GREB1: variants seen among roughly 807,000 people sequenced by gnomAD.
The protein encoded by GREB1 is protein GREB1.
In GREB1, 106 loss-of-function variants were observed where a neutral mutation model predicts 200.7. The ratio of observed to expected loss-of-function variants is 0.53; its 90% confidence interval spans 0.45 to 0.62. The LOEUF (loss-of-function observed/expected upper bound fraction) is 0.62. Among genes scored for constraint, GREB1 ranks in the 20% least tolerant of loss-of-function variants. The probability of loss-of-function intolerance (pLI) is 0.00; values close to 1 mark genes in which losing one functional copy is unlikely to be tolerated. For synonymous variants in GREB1, 1,132 were observed against 1,092.4 expected, an observed-to-expected ratio of 1.04 and a Z score of -0.72; for missense variants, 2,243 against 2,556.8, an observed-to-expected ratio of 0.88 and a Z score of 2.65.
intron 1 of GREB1, among the ~76,000 whole-genome samples, chr2:11,515,134 C>CCATT (rs1205377822): frequency 9.6e-6 from 1 of 104,394 alleles, no homozygotes; most frequent in Non-Finnish European, 2.0e-5. Flanking sequence ...ATCCATCCAT[C>CCATT]CACCCACCCC....
chr2:11,592,188 T>C, intron 10 of GREB1: 10 of 188,464 alleles, frequency 5.3e-5, no homozygotes, highest in Non-Finnish European at 8.5e-5. Flanking sequence ...TTTTTTTTTC[T>C]TTTTTTTTTT....
At chr2:11,572,451 G>T (rs770803613) in intron 4 of GREB1, among the ~76,000 whole-genome samples, 1 of 152,166 alleles carries the variant, frequency 6.6e-6, no homozygotes, top group African/African-American at 2.4e-5. Context: ...GAGACCACTG[G>T]GTCTGAAGGA....
intron 1 of GREB1, among the ~76,000 whole-genome samples, chr2:11,528,726 A>G (rs891980907): frequency 7.9e-5 from 12 of 152,182 alleles, no homozygotes; most frequent in African/African-American, 2.9e-4. Context: ...CTTAATACCA[A>G]TATGCCTATG....
intron 1 of GREB1, among the ~76,000 whole-genome samples, chr2:11,535,896 C>A (rs1043253620): frequency 2.6e-5 from 4 of 152,160 alleles, no homozygotes; most frequent in Admixed American, 6.5e-5. Flanking sequence ...CATCTTCTTT[C>A]TTCTTGCTGC....
At chr2:11,543,745 C>T (rs1674975187) in intron 1 of GREB1, among the ~76,000 whole-genome samples, 1 of 152,172 alleles carries the variant, frequency 6.6e-6, no homozygotes, top group Non-Finnish European at 1.5e-5. Context: ...TGGTTTTGAT[C>T]TAGCTGGATG....
At chr2:11,635,453 G>A (rs751729817) in intron 30 of GREB1, 48 bp downstream of exon 30, 21 of 1,560,692 alleles carry the variant, frequency 1.3e-5, no homozygotes, top group South Asian at 2.5e-5. Flanking sequence ...CGCCTGGGCC[G>A]CCCTGGCACA....
intron 4 of GREB1, among the ~76,000 whole-genome samples, chr2:11,572,757 C>G (rs1002641975): frequency 6.6e-6 from 1 of 151,724 alleles, no homozygotes; most frequent in African/African-American, 2.4e-5. Flanking sequence ...CTCGTAGGCA[C>G]TTAACCCGCA....
At position 11,492,337 on chromosome 2, in the gene GREB1, A is replaced by G. The variant is rs903119206; in HGVS notation, c.-159+9956A>G. Among the ~76,000 whole-genome samples, 6 of 152,238 alleles carry G rather than the reference A, an allele frequency of 3.9e-5. No homozygotes were observed. Among genetic ancestry groups the G allele is most frequent in the Admixed American group, 3.3e-4 (5 of 15,282 alleles). On this transcript the variant is annotated intron_variant, in intron 1 of 2. Coordinates refer to the GREB1 transcript ENST00000628795. The surrounding 1 kb of genome is among the most constrained non-coding windows in gnomAD (Gnocchi z 4.0). The stretch of plus-strand genomic sequence containing the variant: ...CTTCTCCAAACCCTCAGTGTGCTCT[A>G]TCAAGAAATGCTTGTTGGTTGGTTT...
In GREB1 at chr2:11,610,655, G is replaced by A. The variant is rs761610148; in HGVS notation, c.2667-33G>A. Reference sequence around the variant, plus strand: ...CAGCAGCAGGCCGGTGGGCGCGGCCGTCACAGACATGGTCTCTCTGTGTTC... The same window carrying A: ...CAGCAGCAGGCCGGTGGGCGCGGCCATCACAGACATGGTCTCTCTGTGTTC... On this transcript the variant is annotated intron_variant, in intron 17 of 32. Transcript: ENST00000381486. 187 of 1,518,584 alleles carry A rather than the reference G, an allele frequency of 1.2e-4. 1 individual carries two copies. Among genetic ancestry groups the A allele is most frequent in the Non-Finnish European group, 1.4e-4 (158 of 1,109,018 alleles). 94.1% of individuals were successfully genotyped at this position (1,518,584 alleles called of 1,614,324 possible).
chr2:11,544,422 T>A (rs972436266), intron 1 of GREB1, among the ~76,000 whole-genome samples: 4 of 152,110 alleles, frequency 2.6e-5, no homozygotes, highest in African/African-American at 7.2e-5. Context: ...TTCACCGTGC[T>A]AGCCAGGATG....
intron 1 of GREB1, among the ~76,000 whole-genome samples, chr2:11,545,075 A>G (rs918293559): frequency 1.3e-4 from 19 of 151,812 alleles, no homozygotes; most frequent in Non-Finnish European, 2.5e-4. Flanking sequence ...TCGGCCTCAC[A>G]AAGTGTTGGG....
chr2:11,590,980 T>TTGA (rs1464168716), intron 10 of GREB1, among the ~76,000 whole-genome samples: 1 of 152,040 alleles, frequency 6.6e-6, no homozygotes, highest in Non-Finnish European at 1.5e-5. Flanking sequence ...GCTGGCAACC[T>TTGA]TGATGATGAT....
chr2:11,543,724 A>G lies in GREB1; in HGVS notation c.-162+9470A>G, dbSNP rs887152394. 5.3e-5 allele frequency among the ~76,000 whole-genome samples: 8 copies of G among 152,340 alleles called. No homozygotes were observed. In the South Asian group the frequency reaches 6.2e-4, roughly 12 times the overall value. On this transcript the variant is annotated intron_variant, in intron 1 of 32. Transcript: ENST00000381486. ...TGAAGAGACCTGTAAGACCTTCTCTATGAGTCCTGCTGGTTTTGATCTAGC... is the reference window on the plus strand; with the variant it reads ...TGAAGAGACCTGTAAGACCTTCTCTGTGAGTCCTGCTGGTTTTGATCTAGC...
chr2:11,569,150 A>AT, intron 4 of GREB1, among the ~76,000 whole-genome samples: 1 of 152,292 alleles, frequency 6.6e-6, no homozygotes, highest in East Asian at 1.9e-4. Context: ...TTGCCCGGTA[A>AT]TTTATCTAAA....
chr2:11,487,824 GT>G (rs757512616), intron 1 of GREB1, among the ~76,000 whole-genome samples: 3 of 152,146 alleles, frequency 2.0e-5, no homozygotes, highest in Non-Finnish European at 4.4e-5. Context: ...TGCCCCTGGT[GT>G]TTTTGACCAC....
At chr2:11,620,211 G>A (rs1410783088) in intron 22 of GREB1, among the ~76,000 whole-genome samples, 6 of 152,104 alleles carry the variant, frequency 3.9e-5, no homozygotes, top group Non-Finnish European at 7.4e-5. Context: ...TCTTGACCTC[G>A]TGATCCGCCC....
intron 1 of GREB1, among the ~76,000 whole-genome samples, chr2:11,512,258 C>T (rs1331779354): frequency 1.3e-5 from 2 of 152,176 alleles, no homozygotes; most frequent in Non-Finnish European, 2.9e-5. Context: ...CCACTAGCTC[C>T]TGGGGAGGAA....
At position 11,580,591 on chromosome 2, in the gene GREB1, T is replaced by G; in HGVS notation, c.773-113T>G. On this transcript the variant is annotated intron_variant, in intron 6 of 32. Coordinates refer to ENST00000381486, the MANE Select transcript of GREB1 (RefSeq NM_014668.4). The surrounding 1 kb of genome is among the most constrained non-coding windows in gnomAD (Gnocchi z 4.5). Reference sequence around the variant, plus strand: ...GGGCATTCTGACCTCCTGATGAGACTTGCTGGGGAAAAGCTAGTTTGTGAA... The same window carrying G: ...GGGCATTCTGACCTCCTGATGAGACGTGCTGGGGAAAAGCTAGTTTGTGAA... 1 of 1,268,102 alleles carries G rather than the reference T, an allele frequency of 7.9e-7. No homozygotes were observed. Among genetic ancestry groups the G allele is most frequent in the Non-Finnish European group, 1.1e-6 (1 of 911,610 alleles). 78.6% of individuals were successfully genotyped at this position (1,268,102 alleles called of 1,614,324 possible). A position where few individuals can be genotyped will look rare whatever the true frequency, so the allele number is the denominator to read the frequency against.
At chr2:11,509,357 C>G (rs544174535) in intron 1 of GREB1, among the ~76,000 whole-genome samples, 1 of 151,956 alleles carries the variant, frequency 6.6e-6, no homozygotes, top group African/African-American at 2.4e-5. Context: ...AACATGTGGG[C>G]GATTTTGTTT....
Sources: gnomAD v4.1 joint callset for allele counts (sites outside exome capture counted in the v4.1 genomes callset) on GRCh38, gnomAD v4.1.1 for gene constraint, Gnocchi (gnomAD v3.1) non-coding constraint, MANE v1.5 for transcripts, NCBI Gene and HGNC (gene_info 2026-07-23, HGNC 2026-07-21) for gene names.